RPS6KC1: variants seen among roughly 807,000 people sequenced by gnomAD.
The protein encoded by RPS6KC1 is ribosomal protein S6 kinase C1.
A neutral mutation model predicts 103.8 loss-of-function variants in RPS6KC1; 54 were observed. The ratio of observed to expected loss-of-function variants is 0.52; its 90% confidence interval spans 0.42 to 0.65. The LOEUF (loss-of-function observed/expected upper bound fraction) is 0.65. RPS6KC1 is among the 30% of genes least tolerant of loss of function. RPS6KC1 has a pLI of 0.00. For missense variants in RPS6KC1, 1,151 were observed against 1,253.8 expected (o/e 0.92, Z 1.24); for synonymous variants, 439 against 438.7 (o/e 1.00, Z -0.01).
the RPS6KC1 span, among the ~76,000 whole-genome samples, chr1:213,762,628 T>C: frequency 2.1e-3 from 313 of 152,324 alleles, 3 homozygotes; most frequent in Middle Eastern, 0.01. Context: ...TCTCAAGAGA[T>C]TTCTTTCCAT....
chr1:213,656,727 A>G, the RPS6KC1 span, among the ~76,000 whole-genome samples: 1 of 152,362 alleles, frequency 6.6e-6, no homozygotes, highest in East Asian at 1.9e-4. Context: ...GAAGAAGCTC[A>G]GCAAAAAGGA....
intron 6 of RPS6KC1, among the ~76,000 whole-genome samples, chr1:213,160,411 C>T (rs1023282452): frequency 6.6e-6 from 1 of 152,302 alleles, no homozygotes; most frequent in Admixed American, 6.5e-5. Flanking sequence ...AATATAGATT[C>T]TCCTTTTAGT....
intron 8 of RPS6KC1, among the ~76,000 whole-genome samples, chr1:213,192,169 C>G (rs759461559): frequency 6.6e-6 from 1 of 152,114 alleles, no homozygotes; most frequent in Non-Finnish European, 1.5e-5. Flanking sequence ...GTCTTTCATT[C>G]TGTTGGTATG....
the RPS6KC1 span, among the ~76,000 whole-genome samples, chr1:213,341,007 G>T: frequency 2.1e-3 from 320 of 152,378 alleles, 3 homozygotes; most frequent in Non-Finnish European, 3.4e-4. Context: ...ACTTAGCATT[G>T]CTGAGCCTCA....
chr1:213,349,799 C>G, the RPS6KC1 span, among the ~76,000 whole-genome samples: 1 of 152,214 alleles, frequency 6.6e-6, no homozygotes, highest in Non-Finnish European at 1.5e-5. Context: ...ATGTGCTGTA[C>G]TGCTGGACCT....
At chr1:213,430,214 C>T in the RPS6KC1 span, among the ~76,000 whole-genome samples, 2 of 152,278 alleles carry the variant, frequency 1.3e-5, no homozygotes, top group East Asian at 1.9e-4. Flanking sequence ...GGATACCTCT[C>T]GAGTCTATCA....
At chr1:213,498,772 ATTT>A in the RPS6KC1 span, among the ~76,000 whole-genome samples, 91 of 112,026 alleles carry the variant, frequency 8.1e-4, 1 homozygote, top group East Asian at 1.3e-3. Context: ...GTTTTCTAAG[ATTT>A]TTTTTTTTTT....
intron 12 of RPS6KC1, among the ~76,000 whole-genome samples, chr1:213,257,786 C>CTTTTTTTTTTTTTTTTTTT (rs71147062): frequency 2.0e-5 from 1 of 49,426 alleles, no homozygotes; most frequent in African/African-American, 7.8e-5. Context: ...ACAGGTAAAA[C>CTTTTTTTTTTTTTTTTTTT]TTTTTTTTTT....
At chr1:213,121,514 T>C (rs1166080244) in intron 5 of RPS6KC1, among the ~76,000 whole-genome samples, 1 of 152,256 alleles carries the variant, frequency 6.6e-6, no homozygotes, top group Non-Finnish European at 1.5e-5. Context: ...ATTTCTATTA[T>C]GTCTATTTCA....
At chr1:213,806,513 G>T in the RPS6KC1 span, among the ~76,000 whole-genome samples, 1 of 150,992 alleles carries the variant, frequency 6.6e-6, no homozygotes, top group Non-Finnish European at 1.5e-5. Flanking sequence ...TTGTTGAATT[G>T]ATCCCTTTAC....
At chr1:213,175,272 A>C (rs983338666) in intron 7 of RPS6KC1, among the ~76,000 whole-genome samples, 2 of 152,226 alleles carry the variant, frequency 1.3e-5, no homozygotes, top group Admixed American at 1.3e-4. Context: ...GCACATTTCT[A>C]TTCTCAAGGA....
At chr1:213,100,304 GC>G (rs2081906755) in intron 3 of RPS6KC1, among the ~76,000 whole-genome samples, 1 of 151,932 alleles carries the variant, frequency 6.6e-6, no homozygotes, top group African/African-American at 2.4e-5. Flanking sequence ...ATTTTGTGGG[GC>G]TGGAGTTCTT....
At chr1:213,614,104 A>T in the RPS6KC1 span, among the ~76,000 whole-genome samples, 1 of 152,224 alleles carries the variant, frequency 6.6e-6, no homozygotes. Context: ...CCATTGACTG[A>T]GTACAGCTGC....
chr1:213,852,347 A>C, the RPS6KC1 span, among the ~76,000 whole-genome samples: 1 of 151,898 alleles, frequency 6.6e-6, no homozygotes, highest in Admixed American at 6.6e-5. Context: ...TCTGTCATCC[A>C]CATTGCTATT....
intron 3 of RPS6KC1, among the ~76,000 whole-genome samples, chr1:213,080,200 G>C (rs545087448): frequency 2.0e-5 from 3 of 152,124 alleles, no homozygotes; most frequent in African/African-American, 7.2e-5. Flanking sequence ...TTACAGGCGT[G>C]AGCCACTGCG....
At chr1:213,073,617 A>G (rs1310908068) in intron 2 of RPS6KC1, among the ~76,000 whole-genome samples, 1 of 152,132 alleles carries the variant, frequency 6.6e-6, no homozygotes, top group African/African-American at 2.4e-5. Context: ...TTATGTCAGA[A>G]ATCTCTAACT....
At chr1:213,377,601 GAATAAT>G in the RPS6KC1 span, among the ~76,000 whole-genome samples, 12 of 152,180 alleles carry the variant, frequency 7.9e-5, no homozygotes, top group African/African-American at 2.9e-4. Flanking sequence ...TATTTGTTTT[GAATAAT>G]AATAAGTGAA....
the RPS6KC1 span, among the ~76,000 whole-genome samples, chr1:213,471,112 A>G: frequency 6.6e-6 from 1 of 152,100 alleles, no homozygotes; most frequent in Non-Finnish European, 1.5e-5. Context: ...ATCATGAGGA[A>G]ATCATAGATT....
rs562462187 is a variant in RPS6KC1 at position 213,172,470 on chromosome 1, G to C, written c.952-3930G>C. Among the ~76,000 whole-genome samples, 25 of 152,248 alleles carry C rather than the reference G, an allele frequency of 1.6e-4. No individual in the cohort carries two copies. In the South Asian group the frequency reaches 2.9e-3, roughly 18 times the overall value. On this transcript the variant is annotated intron_variant, in intron 7 of 14. Transcript: ENST00000366960. ...ATAAAAAAATAAAAAAATTAGCCAGGTGTGGTGGCACATGCCAGTAACCCC... is the reference window on the plus strand; with the variant it reads ...ATAAAAAAATAAAAAAATTAGCCAGCTGTGGTGGCACATGCCAGTAACCCC...
Sources: allele counts gnomAD v4.1 joint callset (sites outside exome capture counted in the v4.1 genomes callset), GRCh38; gene constraint gnomAD v4.1.1; transcripts MANE v1.5; gene names NCBI Gene and HGNC (gene_info 2026-07-23, HGNC 2026-07-21).